ARHGAP10: variants seen among roughly 807,000 people sequenced by gnomAD.
ARHGAP10 encodes Rho GTPase activating protein 10.
Under a neutral mutation model 108.6 loss-of-function variants are expected in ARHGAP10, and 87 were observed. That is an observed-to-expected ratio of 0.80 (90% CI 0.67 to 0.96). The LOEUF (loss-of-function observed/expected upper bound fraction) is 0.96. Ranked by LOEUF, ARHGAP10 falls within the 40% of genes least tolerant of loss-of-function variation. ARHGAP10 has a pLI of 0.00. For missense variants in ARHGAP10, 939 were observed against 954.5 expected, an observed-to-expected ratio of 0.98 and a Z score of 0.21; for synonymous variants, 347 against 341.1, an observed-to-expected ratio of 1.02 and a Z score of -0.19.
At position 147,764,765 on chromosome 4, in the gene ARHGAP10, C is replaced by T. The variant is rs1006849726; in HGVS notation, c.154+32310C>T. On this transcript the variant is annotated intron_variant, in intron 1 of 22. Coordinates refer to ENST00000336498, the MANE Select transcript of ARHGAP10 (RefSeq NM_024605.4). ...ACCCAGGCTGGTCTTGAACTCCTGGCCTCAAGTGATCCACGTGCCTCGGCC... is the reference window on the plus strand; with the variant it reads ...ACCCAGGCTGGTCTTGAACTCCTGGTCTCAAGTGATCCACGTGCCTCGGCC... Among the ~76,000 whole-genome samples, 15 of 152,180 alleles carry T rather than the reference C, an allele frequency of 9.9e-5. No individual in the cohort carries two copies. The South Asian group carries it at 2.7e-3, about 27-fold the overall frequency.
intron 5 of ARHGAP10, among the ~76,000 whole-genome samples, chr4:147,859,843 C>T (rs552946444): frequency 1.8e-4 from 27 of 152,312 alleles, no homozygotes; most frequent in African/African-American, 6.3e-4. Context: ...GAGATCCTAA[C>T]GATGAATAAT....
intron 18 of ARHGAP10, among the ~76,000 whole-genome samples, chr4:148,001,261 T>TC (rs1454557432): frequency 3.3e-5 from 5 of 152,182 alleles, no homozygotes; most frequent in African/African-American, 1.2e-4. Context: ...TCTGTTCTGT[T>TC]CATTGGTCTG....
chr4:147,938,250 T>A (rs1379296518), intron 13 of ARHGAP10, among the ~76,000 whole-genome samples: 1 of 152,052 alleles, frequency 6.6e-6, no homozygotes, highest in Non-Finnish European at 1.5e-5. Flanking sequence ...TCAGGAAGAA[T>A]AATTAATGAG....
At chr4:148,059,823 T>C (rs544291771) in intron 20 of ARHGAP10, among the ~76,000 whole-genome samples, 123 of 152,228 alleles carry the variant, frequency 8.1e-4, no homozygotes, top group African/African-American at 1.8e-3. Context: ...ATCACAGCAA[T>C]GACAGTATCA....
At chr4:147,852,598 A>G (rs1413269900) in intron 4 of ARHGAP10, among the ~76,000 whole-genome samples, 3 of 151,952 alleles carry the variant, frequency 2.0e-5, no homozygotes, top group African/African-American at 4.8e-5. Flanking sequence ...GTTCTTGGAA[A>G]CTGAATTGAA....
intron 15 of ARHGAP10, 86 bp downstream of exon 15, chr4:147,946,790 A>G: frequency 9.6e-7 from 1 of 1,042,194 alleles, no homozygotes; most frequent in Non-Finnish European, 1.3e-6. Flanking sequence ...CATAAATATC[A>G]ATAGTTAAAT....
intron 1 of ARHGAP10, among the ~76,000 whole-genome samples, chr4:147,743,771 C>G (rs963628037): frequency 6.6e-6 from 1 of 151,994 alleles, no homozygotes. Context: ...GAGTGAAACT[C>G]CTTCTCAAAA....
Position 147,939,918 on chromosome 4 carries a change from C to A in ARHGAP10, c.1303+19C>A, listed in dbSNP as rs1294643539. On this transcript the variant is annotated intron_variant, in intron 14 of 22. Coordinates refer to ENST00000336498, the MANE Select transcript of ARHGAP10 (RefSeq NM_024605.4). ...TTGATGGGTATGCCTCTTTTCTAAT[C>A]ATTTTTCCATGTGTTATTTGTGTAT... The A allele has an allele frequency of 1.9e-6, 3 of 1,595,000 alleles. No homozygotes were observed. Among genetic ancestry groups the A allele is most frequent in the Non-Finnish European group, 2.6e-6 (3 of 1,164,128 alleles).
intron 1 of ARHGAP10, among the ~76,000 whole-genome samples, chr4:147,765,322 T>TGG (rs1412228077): frequency 1.8e-4 from 12 of 66,310 alleles, no homozygotes; most frequent in African/African-American, 6.3e-4. Context: ...GTGTGTGCTG[T>TGG]GGTGTGTGTG....
chr4:147,948,952 C>G (rs546630155), intron 15 of ARHGAP10, among the ~76,000 whole-genome samples: 2 of 147,368 alleles, frequency 1.4e-5, no homozygotes, highest in African/African-American at 5.0e-5. Flanking sequence ...GGAGACAGAG[C>G]GAGACTCTGT....
intron 1 of ARHGAP10, among the ~76,000 whole-genome samples, chr4:147,746,228 C>G (rs1189499099): frequency 3.3e-5 from 5 of 150,090 alleles, no homozygotes; most frequent in Admixed American, 2.7e-4. Flanking sequence ...CTCAGCCTCC[C>G]GAGTAGCTGG....
intron 3 of ARHGAP10, among the ~76,000 whole-genome samples, chr4:147,836,150 G>T (rs774650021): frequency 2.0e-5 from 3 of 152,114 alleles, no homozygotes; most frequent in Non-Finnish European, 4.4e-5. Context: ...CTTTTCTTTT[G>T]TGGGAGGCAA....
At chr4:147,758,447 C>T (rs1031608041) in intron 1 of ARHGAP10, among the ~76,000 whole-genome samples, 3 of 152,098 alleles carry the variant, frequency 2.0e-5, no homozygotes, top group Non-Finnish European at 4.4e-5. Flanking sequence ...GCAGCCATCA[C>T]CACAGTCAAT....
At chr4:147,755,825 A>G (rs1729346194) in intron 1 of ARHGAP10, among the ~76,000 whole-genome samples, 1 of 152,076 alleles carries the variant, frequency 6.6e-6, no homozygotes, top group South Asian at 2.1e-4. Flanking sequence ...GTAGTGCATT[A>G]TGAGTCAGCC....
At chr4:147,882,070 T>C (rs946098149) in intron 10 of ARHGAP10, 138 bp downstream of exon 10, 3 of 771,914 alleles carry the variant, frequency 3.9e-6, no homozygotes, top group Non-Finnish European at 6.4e-6. Flanking sequence ...TGTGTGTTCA[T>C]TATAAGCTGT....
At chr4:148,044,539 A>G (rs1490083883) in intron 19 of ARHGAP10, among the ~76,000 whole-genome samples, 1 of 152,088 alleles carries the variant, frequency 6.6e-6, no homozygotes, top group Non-Finnish European at 1.5e-5. Flanking sequence ...ACAGTTTGCT[A>G]TGTCTAGCTG....
chr4:147,739,896 C>G (rs1024796090), intron 1 of ARHGAP10, among the ~76,000 whole-genome samples: 1 of 151,524 alleles, frequency 6.6e-6, no homozygotes, highest in Non-Finnish European at 1.5e-5. Context: ...CCACCACACC[C>G]GGCTAATTTT....
chr4:147,873,765 C>T (rs1734945608), intron 7 of ARHGAP10, among the ~76,000 whole-genome samples: 1 of 141,504 alleles, frequency 7.1e-6, no homozygotes, highest in African/African-American at 2.5e-5. Context: ...GTCCCAGTTC[C>T]TCTGGAGGCT....
intron 1 of ARHGAP10, among the ~76,000 whole-genome samples, chr4:147,814,901 T>C (rs999402717): frequency 1.3e-5 from 2 of 152,116 alleles, no homozygotes; most frequent in Middle Eastern, 3.2e-3. Flanking sequence ...TGGATTTCAG[T>C]ATATAAATTT....
Sources: allele counts gnomAD v4.1 joint callset (sites outside exome capture counted in the v4.1 genomes callset), GRCh38; gene constraint gnomAD v4.1.1; transcripts MANE v1.5; gene names NCBI Gene and HGNC (gene_info 2026-07-23, HGNC 2026-07-21).